The following PAICS variants were observed in gnomAD, a reference collection of about 807,000 sequenced individuals.
PAICS encodes the protein phosphoribosylaminoimidazole carboxylase and phosphoribosylaminoimidazolesuccinocarboxamide synthase, also known as bifunctional phosphoribosylaminoimidazole carboxylase/phosphoribosylaminoimidazole succinocarboxamide synthetase.
PAICS carries 33 observed loss-of-function variants against 53.7 expected under a neutral mutation model. That is an observed-to-expected ratio of 0.61 (90% CI 0.47 to 0.82). The LOEUF is 0.82. Among genes scored for constraint, PAICS ranks in the 40% least tolerant of loss-of-function variants. PAICS has a pLI of 0.00. For synonymous variants in PAICS, 141 were observed against 167.2 expected, an observed-to-expected ratio of 0.84 and a Z score of 1.21; for missense variants, 394 against 494.1, an observed-to-expected ratio of 0.80 and a Z score of 1.92.
At chr4:56,422,168 G>A in the PAICS span, 1 of 152,164 alleles carries the variant, frequency 6.6e-6, no homozygotes, top group African/African-American at 2.4e-5. Context: ...CAGCTACTCG[G>A]GAGGCTGAGG....
intron 8 of PAICS, among the ~76,000 whole-genome samples, chr4:56,455,112 A>G (rs532224414): frequency 5.0e-4 from 76 of 152,294 alleles, no homozygotes; most frequent in African/African-American, 1.6e-3. Flanking sequence ...GATTGTACCA[A>G]TGGATTCCAA....
the PAICS span, among the ~76,000 whole-genome samples, chr4:56,426,187 G>C: frequency 1.3e-5 from 2 of 152,158 alleles, no homozygotes; most frequent in Non-Finnish European, 2.9e-5. Flanking sequence ...CAGAACACGA[G>C]GTCAAGAGAT....
the PAICS span, among the ~76,000 whole-genome samples, chr4:56,411,300 C>A: frequency 2.1e-4 from 32 of 152,184 alleles, no homozygotes; most frequent in African/African-American, 7.5e-4. Context: ...CAGCTCCAAA[C>A]AAGAACTTTC....
chr4:56,435,761 C>G, upstream of PAICS: 7 of 1,496,450 alleles, frequency 4.7e-6, no homozygotes, highest in Non-Finnish European at 6.2e-6. Flanking sequence ...TAGCCTTCCC[C>G]TAAGAGCTGC....
the PAICS span, among the ~76,000 whole-genome samples, chr4:56,426,797 T>C: frequency 6.6e-6 from 1 of 152,204 alleles, no homozygotes; most frequent in African/African-American, 2.4e-5. Flanking sequence ...ATTATACCCA[T>C]AAGTACGTTC....
At chr4:56,456,374 C>G (rs6818715) in intron 8 of PAICS, among the ~76,000 whole-genome samples, 46,232 of 152,018 alleles carry the variant, frequency 0.3, 7,540 homozygotes, top group East Asian at 0.47. Flanking sequence ...TTATGGGCGT[C>G]AGCCACTGTG....
chr4:56,441,317 A>G (rs1053702689), intron 1 of PAICS, among the ~76,000 whole-genome samples: 1 of 152,198 alleles, frequency 6.6e-6, no homozygotes, highest in African/African-American at 2.4e-5. Context: ...CAGTTCTGCT[A>G]TGAGAGGCAG....
At chr4:56,439,364 G>A (rs1213187387) in intron 1 of PAICS, among the ~76,000 whole-genome samples, 1 of 152,116 alleles carries the variant, frequency 6.6e-6, no homozygotes, top group Non-Finnish European at 1.5e-5. Context: ...AGCCTCCCAA[G>A]TAGCAAGGAT....
At chr4:56,420,104 G>A in the PAICS span, 12 of 603,612 alleles carry the variant, frequency 2.0e-5, no homozygotes, top group Middle Eastern at 1.7e-3. Flanking sequence ...CAGGTTCAAG[G>A]ATCCCTTTTC....
At chr4:56,434,748 T>C (rs1319829844), upstream of PAICS, among the ~76,000 whole-genome samples, 1 of 152,122 alleles carries the variant, frequency 6.6e-6, no homozygotes, top group Non-Finnish European at 1.5e-5. Context: ...TTAATTTATG[T>C]GAGATCTACT....
chr4:56,420,158 T>C, the PAICS span: 1 of 246,824 alleles, frequency 4.1e-6, no homozygotes, highest in Non-Finnish European at 6.5e-6. Flanking sequence ...AGATACTTTT[T>C]CAGATTTTAG....
chr4:56,449,135 C>T (rs1718770812), intron 5 of PAICS, among the ~76,000 whole-genome samples: 2 of 152,136 alleles, frequency 1.3e-5, no homozygotes, highest in African/African-American at 4.8e-5. Flanking sequence ...TTCACAATTA[C>T]TAGAGTCAGG....
intron 2 of PAICS, among the ~76,000 whole-genome samples, chr4:56,443,102 G>A (rs1027602657): frequency 2.0e-5 from 3 of 152,092 alleles, no homozygotes; most frequent in Non-Finnish European, 2.9e-5. Context: ...CAATGACTGA[G>A]GTAATTTCTA....
At chr4:56,459,242 T>G in intron 8 of PAICS, 130 bp from the exon 9 acceptor site, 2 of 529,880 alleles carry the variant, frequency 3.8e-6, no homozygotes, top group Non-Finnish European at 3.3e-6. Context: ...GATTCTACTT[T>G]AGATTAGAAT....
intron 5 of PAICS, among the ~76,000 whole-genome samples, chr4:56,449,833 A>G (rs1718809618): frequency 6.7e-6 from 1 of 149,768 alleles, no homozygotes; most frequent in African/African-American, 2.4e-5. Flanking sequence ...AAAATTAGCC[A>G]GGCATGGTGG....
upstream of PAICS, chr4:56,436,112 G>A (rs1391169555): frequency 1.3e-4 from 196 of 1,476,800 alleles, no homozygotes; most frequent in Middle Eastern, 2.4e-4. Flanking sequence ...CCAGTGGGGC[G>A]TTGTTTCGTC....
In PAICS at chr4:56,462,452, A is replaced by T. The variant is rs1211568117; in HGVS notation, c.*2914A>T. On this transcript the variant is annotated 3_prime_UTR_variant, in exon 9 of 9. Coordinates refer to ENST00000512576, the MANE Select transcript of PAICS (RefSeq NM_001079524.2). ...TAAAGGTTCTCTGGCTGTTGTGTGG[A>T]CAAGAGGAGAAGCAGAGATTAGTTA... The T allele has an allele frequency of 6.6e-6, 1 of 152,226 alleles. No individual in the cohort carries two copies. Among genetic ancestry groups the T allele is most frequent in the Non-Finnish European group, 1.5e-5 (1 of 68,038 alleles). The allele number at this position is 152,226 out of a possible 1,614,324, so 9.4% of individuals were successfully genotyped here.
chr4:56,437,010 A>C (rs1247611550), intron 1 of PAICS, among the ~76,000 whole-genome samples: 2 of 152,172 alleles, frequency 1.3e-5, no homozygotes, highest in African/African-American at 4.8e-5. Flanking sequence ...AAAGAAAAAG[A>C]AAAACCTGTC....
At chr4:56,429,030 T>C in the PAICS span, 2 of 822,132 alleles carry the variant, frequency 2.4e-6, no homozygotes, top group Non-Finnish European at 2.9e-6. Flanking sequence ...AATAACAAGT[T>C]CTTCCACACA....
Sources: allele counts gnomAD v4.1 joint callset (sites outside exome capture counted in the v4.1 genomes callset), GRCh38; gene constraint gnomAD v4.1.1; transcripts MANE v1.5; gene names NCBI Gene and HGNC (gene_info 2026-07-23, HGNC 2026-07-21).